WBP2NL: variants seen among roughly 807,000 people sequenced by gnomAD.
The protein encoded by WBP2NL is WBP2 N-terminal like.
In WBP2NL, 27 loss-of-function variants were observed where a neutral mutation model predicts 23.3. That is an observed-to-expected ratio of 1.16 (90% CI 0.85 to 1.60). The LOEUF (loss-of-function observed/expected upper bound fraction) is 1.60. Ranked by LOEUF, WBP2NL falls within the 40% of genes most tolerant of loss-of-function variation. The probability of loss-of-function intolerance (pLI) is 0.00; values close to 1 mark genes in which losing one functional copy is unlikely to be tolerated. For synonymous variants in WBP2NL, 151 were observed against 145.9 expected (o/e 1.03, Z -0.25); for missense variants, 370 against 389.5 (o/e 0.95, Z 0.42).
chr22:42,048,846 A>G (rs1422982394), intron 8 of WBP2NL, among the ~76,000 whole-genome samples: 1 of 152,170 alleles, frequency 6.6e-6, no homozygotes, highest in Non-Finnish European at 1.5e-5. Flanking sequence ...ACATTGTCCA[A>G]AAACTAAAAA....
Position 42,027,472 on chromosome 22 carries a change from A to G in WBP2NL, c.*291A>G, listed in dbSNP as rs1924619504. On this transcript the variant is annotated 3_prime_UTR_variant, in exon 6 of 6. Coordinates refer to ENST00000328823, the MANE Select transcript of WBP2NL (RefSeq NM_152613.3). ...CATTTTTAAACATAACTTTTTCCAC[A>G]CTCGCATTCAAGGTTCCTGTCTTCC... is the stretch of plus-strand genomic sequence containing the variant. 1 of 369,528 alleles carries G rather than the reference A, an allele frequency of 2.7e-6. No individual in the cohort carries two copies. The highest frequency in any genetic ancestry group is 4.2e-5 in the Admixed American group (1 of 24,066). The allele number at this position is 369,528 out of a possible 1,614,324, so 22.9% of individuals were successfully genotyped here. A position where few individuals can be genotyped will look rare whatever the true frequency, so the allele number is the denominator to read the frequency against.
In WBP2NL at chr22:42,019,810, G is replaced by A. The variant is rs1923711647; in HGVS notation, c.313+7G>A. The A allele has an allele frequency of 6.2e-7, 1 of 1,613,958 alleles. No homozygotes were observed. ...ATTCAGGCAGCTCCATATGGTAAGT[G>A]TTCCCTCAGAAGTGTGTATTTTTTT... On this transcript the variant is annotated splice_region_variant and intron_variant, in intron 3 of 5. Coordinates refer to ENST00000328823, the MANE Select transcript of WBP2NL (RefSeq NM_152613.3).
chr22:42,026,522 G>T (rs1361292151), intron 5 of WBP2NL, among the ~76,000 whole-genome samples: 1 of 151,740 alleles, frequency 6.6e-6, no homozygotes, highest in Admixed American at 6.6e-5. Context: ...ACATATCTGT[G>T]CAAGAGTATA....
intron 8 of WBP2NL, among the ~76,000 whole-genome samples, chr22:42,053,613 C>T (rs1248323086): frequency 6.6e-6 from 1 of 151,994 alleles, no homozygotes; most frequent in Non-Finnish European, 1.5e-5. Context: ...GTGCATGCCA[C>T]CATGCCTGGC....
chr22:42,056,371 T>C (rs185728177), intron 8 of WBP2NL, among the ~76,000 whole-genome samples: 29 of 152,342 alleles, frequency 1.9e-4, no homozygotes, highest in Admixed American at 1.4e-3. Flanking sequence ...TCTTAGTTTA[T>C]AATTACTGCA....
chr22:42,016,221 T>C (rs1923298376), intron 1 of WBP2NL, among the ~76,000 whole-genome samples: 1 of 151,996 alleles, frequency 6.6e-6, no homozygotes. Context: ...CCTCTGGTAA[T>C]CCTCCCGCCT....
intron 8 of WBP2NL, among the ~76,000 whole-genome samples, chr22:42,057,788 A>G (rs1301643202): frequency 7.2e-6 from 1 of 139,310 alleles, no homozygotes; most frequent in African/African-American, 2.7e-5. Flanking sequence ...GATTATTTTA[A>G]AATTATGTTT....
chr22:42,056,741 A>G (rs1205865038), intron 8 of WBP2NL, among the ~76,000 whole-genome samples: 1 of 151,972 alleles, frequency 6.6e-6, no homozygotes, highest in Non-Finnish European at 1.5e-5. Flanking sequence ...GTAGGTGTAT[A>G]TATTTATGGA....
intron 8 of WBP2NL, among the ~76,000 whole-genome samples, chr22:42,048,780 A>C (rs1022103905): frequency 2.6e-5 from 4 of 151,514 alleles, no homozygotes; most frequent in African/African-American, 9.7e-5. Context: ...GAAAAGAAAA[A>C]AAAGAAACCC....
downstream of WBP2NL, among the ~76,000 whole-genome samples, chr22:42,037,012 T>C (rs58953291): frequency 0.051 from 7,721 of 152,230 alleles, 682 homozygotes; most frequent in African/African-American, 0.18. Context: ...ACAAGACCAA[T>C]GTCAAGGTTT....
At chr22:42,006,035 G>C (rs1346078674) in intron 1 of WBP2NL, among the ~76,000 whole-genome samples, 2 of 152,124 alleles carry the variant, frequency 1.3e-5, no homozygotes, top group Non-Finnish European at 2.9e-5. Context: ...TTTGTTTTAA[G>C]AAAATTAGGC....
At chr22:42,029,939 C>T (rs925712176), downstream of WBP2NL, 1 of 152,160 alleles carries the variant, frequency 6.6e-6, no homozygotes, top group African/African-American at 2.4e-5. Flanking sequence ...CTTAACACAG[C>T]TTAGAGTCAT....
At chr22:42,016,481 C>T (rs1923320030) in intron 1 of WBP2NL, among the ~76,000 whole-genome samples, 2 of 152,178 alleles carry the variant, frequency 1.3e-5, no homozygotes, top group South Asian at 2.1e-4. Flanking sequence ...AAGCTGCTGC[C>T]AAGCTAGTAG....
intron 1 of WBP2NL, among the ~76,000 whole-genome samples, chr22:42,011,577 A>G (rs1052093757): frequency 6.6e-6 from 1 of 151,936 alleles, no homozygotes; most frequent in East Asian, 2.0e-4. Context: ...TACTGATTCA[A>G]TTTCCTTACT....
chr22:42,001,982 A>G (rs1921747652), intron 1 of WBP2NL: 1 of 1,110,462 alleles, frequency 9.0e-7, no homozygotes, highest in Non-Finnish European at 1.2e-6. Context: ...AAGAGGAGGC[A>G]GGCTGCTGTG....
At chr22:42,028,918 T>G (rs2146805066), downstream of WBP2NL, among the ~76,000 whole-genome samples, 1 of 152,322 alleles carries the variant, frequency 6.6e-6, no homozygotes, top group East Asian at 1.9e-4. Context: ...CCTCACCCAT[T>G]AAGTGCCAAT....
At chr22:42,031,699 G>A (rs1219167190), downstream of WBP2NL, 1 of 141,422 alleles carries the variant, frequency 7.1e-6, no homozygotes, top group South Asian at 2.3e-4. Context: ...TCCTCTTTTT[G>A]TTTTTTTTTT....
chr22:42,041,117 C>G (rs1021560168), intron 8 of WBP2NL, among the ~76,000 whole-genome samples: 1 of 152,128 alleles, frequency 6.6e-6, no homozygotes, highest in African/African-American at 2.4e-5. Context: ...ATTGTTATAG[C>G]TTCCTGTTGA....
At chr22:42,039,574 G>GGTA (rs1431578644) in intron 8 of WBP2NL, among the ~76,000 whole-genome samples, 7 of 151,946 alleles carry the variant, frequency 4.6e-5, no homozygotes, top group Non-Finnish European at 1.0e-4. Context: ...ATTCGGTCTT[G>GGTA]GTAGTGTGTG....
Sources: allele counts gnomAD v4.1 joint callset (sites outside exome capture counted in the v4.1 genomes callset), GRCh38; gene constraint gnomAD v4.1.1; transcripts MANE v1.5; gene names NCBI Gene and HGNC (gene_info 2026-07-23, HGNC 2026-07-21).